The following PRR16 variants were observed in gnomAD, a reference collection of about 807,000 sequenced individuals.
The protein encoded by PRR16 is protein Largen.
In PRR16, 6 loss-of-function variants were observed where a neutral mutation model predicts 18.2. The ratio of observed to expected loss-of-function variants is 0.33; its 90% CI spans 0.18 to 0.65. The LOEUF (loss-of-function observed/expected upper bound fraction) is 0.65. PRR16 is among the 30% of genes least tolerant of loss of function. The pLI is 0.74. For synonymous variants in PRR16, 151 were observed against 147.8 expected (o/e 1.02, Z -0.16); for missense variants, 412 against 376.6 (o/e 1.09, Z -0.78).
intron 1 of PRR16, among the ~76,000 whole-genome samples, chr5:120,468,571 T>C (rs1462889038): frequency 1.3e-5 from 2 of 152,168 alleles, no homozygotes; most frequent in African/African-American, 2.4e-5. Context: ...CACTAAGAAA[T>C]GTAGAAACAA....
chr5:120,671,318 G>C (rs1342970325), intron 1 of PRR16, among the ~76,000 whole-genome samples: 1 of 151,904 alleles, frequency 6.6e-6, no homozygotes, highest in Non-Finnish European at 1.5e-5. Context: ...GCAAAGTACA[G>C]AACTAATGCT....
chr5:120,719,882 T>C, the PRR16 span, among the ~76,000 whole-genome samples: 131 of 151,986 alleles, frequency 8.6e-4, no homozygotes, highest in Non-Finnish European at 1.6e-3. Context: ...ATCTAATTGA[T>C]TTGAAATCCC....
chr5:120,584,552 T>G (rs768686002), intron 1 of PRR16, among the ~76,000 whole-genome samples: 12 of 152,210 alleles, frequency 7.9e-5, no homozygotes, highest in Non-Finnish European at 1.5e-4. Context: ...TATACTAAAT[T>G]TATATTGATA....
At position 120,574,091 on chromosome 5, in the gene PRR16, C is replaced by A. The variant is rs1023743604; in HGVS notation, c.159+109446C>A. ...AACTGTAATGGAAAAACATTAATAA[C>A]CTCAAAAACATCAATTGGACCAAAT... On this transcript the variant is annotated intron_variant, in intron 1 of 1. Coordinates refer to ENST00000407149, the MANE Select transcript of PRR16 (RefSeq NM_001300783.2). Among the ~76,000 whole-genome samples the A allele has an allele frequency of 2.0e-5, 3 of 151,860 alleles. No homozygotes were observed. In the East Asian group the frequency reaches 5.8e-4, roughly 29 times the overall value.
intron 1 of PRR16, among the ~76,000 whole-genome samples, chr5:120,630,587 T>C (rs1755019276): frequency 6.8e-6 from 1 of 147,158 alleles, no homozygotes; most frequent in Non-Finnish European, 1.5e-5. Flanking sequence ...CTTTTTTTTT[T>C]CATGCACCCA....
the PRR16 span, among the ~76,000 whole-genome samples, chr5:120,729,220 C>A: frequency 6.6e-6 from 1 of 152,002 alleles, no homozygotes; most frequent in Non-Finnish European, 1.5e-5. Context: ...TTTTTTATAG[C>A]TAAACAAAGC....
chr5:120,644,758 A>G (rs953291148), intron 1 of PRR16, among the ~76,000 whole-genome samples: 3 of 152,148 alleles, frequency 2.0e-5, no homozygotes, highest in Non-Finnish European at 4.4e-5. Flanking sequence ...TGATGCCTGT[A>G]TTTCTCAGAT....
intron 1 of PRR16, among the ~76,000 whole-genome samples, chr5:120,473,936 A>G (rs1337482576): frequency 1.3e-5 from 2 of 152,196 alleles, no homozygotes; most frequent in African/African-American, 2.4e-5. Context: ...GCATGGTGGC[A>G]TTGGGGAAAA....
intron 1 of PRR16, among the ~76,000 whole-genome samples, chr5:120,579,225 T>C (rs34287802): frequency 6.6e-6 from 1 of 152,210 alleles, no homozygotes; most frequent in African/African-American, 2.4e-5. Flanking sequence ...GATGATAGTT[T>C]CTTTTGCTGT....
intron 1 of PRR16, among the ~76,000 whole-genome samples, chr5:120,502,186 T>C (rs1288348635): frequency 6.6e-6 from 1 of 150,984 alleles, no homozygotes; most frequent in African/African-American, 2.4e-5. Flanking sequence ...CAGAGAAGCA[T>C]AGAAAATTTT....
chr5:120,750,666 CAA>C, the PRR16 span, among the ~76,000 whole-genome samples: 443 of 144,438 alleles, frequency 3.1e-3, no homozygotes, highest in Middle Eastern at 0.01. Context: ...GACTCCATCT[CAA>C]AAAAAAAAAT....
At chr5:120,491,916 C>G (rs753635526) in intron 1 of PRR16, among the ~76,000 whole-genome samples, 3 of 152,082 alleles carry the variant, frequency 2.0e-5, no homozygotes, top group Non-Finnish European at 4.4e-5. Context: ...AATTATGTCA[C>G]TTCCCAAATC....
chr5:120,550,777 T>A (rs1752229171), intron 1 of PRR16, among the ~76,000 whole-genome samples: 1 of 152,060 alleles, frequency 6.6e-6, no homozygotes, highest in Non-Finnish European at 1.5e-5. Context: ...ATTGTTAACA[T>A]GAATTTTAAA....
chr5:120,466,136 T>A (rs565209038), intron 1 of PRR16, among the ~76,000 whole-genome samples: 1 of 152,250 alleles, frequency 6.6e-6, no homozygotes, highest in African/African-American at 2.4e-5. Context: ...GGATAAAACT[T>A]GTTCGTGTTT....
intron 1 of PRR16, among the ~76,000 whole-genome samples, chr5:120,611,448 G>C (rs1228081423): frequency 1.3e-5 from 2 of 152,188 alleles, no homozygotes; most frequent in Non-Finnish European, 2.9e-5. Context: ...GATGGAAAAA[G>C]TGGTTTTGTA....
chr5:120,705,530 T>G, the PRR16 span, among the ~76,000 whole-genome samples: 1 of 152,126 alleles, frequency 6.6e-6, no homozygotes, highest in African/African-American at 2.4e-5. Context: ...CAAATGATAT[T>G]TTCTGTTCAT....
At chr5:120,722,097 C>T in the PRR16 span, among the ~76,000 whole-genome samples, 2 of 151,946 alleles carry the variant, frequency 1.3e-5, no homozygotes, top group African/African-American at 2.4e-5. Flanking sequence ...TTGTTGGACT[C>T]CCACTTACGA....
At chr5:120,710,399 T>C in the PRR16 span, among the ~76,000 whole-genome samples, 1 of 152,098 alleles carries the variant, frequency 6.6e-6, no homozygotes, top group Non-Finnish European at 1.5e-5. Context: ...CTTCCCAAAG[T>C]ATCCAGTGGA....
At chr5:120,592,855 T>A (rs1753680676) in intron 1 of PRR16, among the ~76,000 whole-genome samples, 1 of 152,302 alleles carries the variant, frequency 6.6e-6, no homozygotes, top group Non-Finnish European at 1.5e-5. Flanking sequence ...AAAAATATAT[T>A]ACTCTTTTTT....
Sources: allele counts gnomAD v4.1 joint callset (sites outside exome capture counted in the v4.1 genomes callset), GRCh38; gene constraint gnomAD v4.1.1; transcripts MANE v1.5; gene names NCBI Gene and HGNC (gene_info 2026-07-23, HGNC 2026-07-21).